Variants in ADAMTS20 observed in about 807,000 individuals in gnomAD.
ADAMTS20 encodes ADAM metallopeptidase with thrombospondin type 1 motif 20.
A neutral mutation model predicts 260.1 loss-of-function variants in ADAMTS20; 225 were observed. That is an observed-to-expected ratio of 0.87 (90% confidence interval 0.78 to 0.97). ADAMTS20 has a LOEUF of 0.97. Among genes scored for constraint, ADAMTS20 ranks in the 50% least tolerant of loss-of-function variants. The pLI is 0.00. For missense variants in ADAMTS20, 2,400 were observed against 2,337.7 expected, an observed-to-expected ratio of 1.03 and a Z score of -0.55; for synonymous variants, 802 against 769.5, an observed-to-expected ratio of 1.04 and a Z score of -0.70.
At chr12:43,463,601 C>G (rs562418074) in intron 10 of ADAMTS20, among the ~76,000 whole-genome samples, 13 of 152,032 alleles carry the variant, frequency 8.6e-5, no homozygotes, top group African/African-American at 3.1e-4. Context: ...AGAAATGTAT[C>G]TTTTACAATG....
chr12:43,471,822 G>A (rs374753615), intron 7 of ADAMTS20, among the ~76,000 whole-genome samples: 38 of 135,274 alleles, frequency 2.8e-4, no homozygotes, highest in African/African-American at 5.0e-4. Flanking sequence ...CATCCACACC[G>A]AAAACCCATC....
chr12:43,395,452 C>G (rs569075393), intron 29 of ADAMTS20, among the ~76,000 whole-genome samples: 1 of 152,158 alleles, frequency 6.6e-6, no homozygotes, highest in Admixed American at 6.5e-5. Context: ...TCTTAAACAT[C>G]TAGCATTTAG....
At chr12:43,500,186 G>A (rs1015462968) in intron 4 of ADAMTS20, among the ~76,000 whole-genome samples, 4 of 151,940 alleles carry the variant, frequency 2.6e-5, no homozygotes, top group South Asian at 4.1e-4. Context: ...GTGCCACCAC[G>A]CCTGGCTAAT....
chr12:43,429,413 T>G (rs1941396492), intron 24 of ADAMTS20, among the ~76,000 whole-genome samples: 1 of 152,178 alleles, frequency 6.6e-6, no homozygotes, highest in Non-Finnish European at 1.5e-5. Flanking sequence ...CTCAGAAAAC[T>G]TCAATTTCTT....
chr12:43,449,531 G>T (rs530437559), intron 14 of ADAMTS20, among the ~76,000 whole-genome samples: 1 of 152,060 alleles, frequency 6.6e-6, no homozygotes, highest in East Asian at 1.9e-4. Flanking sequence ...GTAACTATTG[G>T]ATACTAGGCT....
chr12:43,411,037 A>T (rs987364168), intron 28 of ADAMTS20, among the ~76,000 whole-genome samples: 9 of 152,184 alleles, frequency 5.9e-5, no homozygotes, highest in Non-Finnish European at 1.0e-4. Context: ...AGAGGGAAAA[A>T]CATATCTTAA....
rs779913866 is a variant in ADAMTS20, at chr12:43,446,556, T to C, written c.2197+39A>G. 4 of 1,518,340 alleles carry C rather than the reference T, an allele frequency of 2.6e-6. No individual in the cohort carries two copies. In the Admixed American group the frequency reaches 6.9e-5, roughly 26 times the overall value. 94.1% of individuals were successfully genotyped at this position (1,518,340 alleles called of 1,614,324 possible). A position where few individuals can be genotyped will look rare whatever the true frequency, so the allele number is the denominator to read the frequency against. On this transcript the variant is annotated intron_variant, in intron 15 of 38. Transcript: ENST00000389420. The stretch of plus-strand genomic sequence containing the variant: ...TTCTTTACAGACTCCATTATTATAC[T>C]AAATAAAAGCGAAATCTAGAAACAA...
intron 2 of ADAMTS20, among the ~76,000 whole-genome samples, chr12:43,543,648 A>G (rs1331783342): frequency 6.6e-6 from 1 of 152,188 alleles, no homozygotes; most frequent in Non-Finnish European, 1.5e-5. Flanking sequence ...TTCTCCTTAT[A>G]GACAAGATGA....
chr12:43,540,731 T>C (rs1943365779), intron 2 of ADAMTS20, among the ~76,000 whole-genome samples: 2 of 152,308 alleles, frequency 1.3e-5, no homozygotes, highest in Middle Eastern at 3.4e-3. Context: ...GCAATTTGAT[T>C]CATGATAAAT....
At chr12:43,500,200 T>C (rs1942737930) in intron 4 of ADAMTS20, among the ~76,000 whole-genome samples, 1 of 152,112 alleles carries the variant, frequency 6.6e-6, no homozygotes, top group Non-Finnish European at 1.5e-5. Flanking sequence ...GGCTAATTTT[T>C]GTATTTTTAG....
At chr12:43,440,120 A>G (rs1317053718) in intron 16 of ADAMTS20, 51 bp from the exon 17 acceptor site, 1 of 1,277,836 alleles carries the variant, frequency 7.8e-7, no homozygotes, top group Non-Finnish European at 1.1e-6. Flanking sequence ...AATCAACAAT[A>G]CAGAAAACAC....
intron 11 of ADAMTS20, among the ~76,000 whole-genome samples, chr12:43,460,981 TATA>T (rs1565558400): frequency 5.1e-5 from 3 of 59,054 alleles, no homozygotes; most frequent in African/African-American, 1.2e-4. Context: ...TATATATATA[TATA>T]TATATTTTTT....
chr12:43,454,414 C>T (rs935890705), intron 11 of ADAMTS20, among the ~76,000 whole-genome samples: 4 of 152,052 alleles, frequency 2.6e-5, no homozygotes, highest in African/African-American at 4.8e-5. Context: ...TATCTATACA[C>T]TCTTCCACTC....
At chr12:43,404,216 CACAA>C (rs934385873) in intron 28 of ADAMTS20, among the ~76,000 whole-genome samples, 5 of 144,234 alleles carry the variant, frequency 3.5e-5, no homozygotes, top group African/African-American at 1.3e-4. Flanking sequence ...CACACACACA[CACAA>C]ATAGAAAGCA....
chr12:43,355,584 A>G (rs1939726479), intron 38 of ADAMTS20, among the ~76,000 whole-genome samples: 1 of 152,166 alleles, frequency 6.6e-6, no homozygotes, highest in South Asian at 2.1e-4. Context: ...TAGGAGTATA[A>G]CTAAATTTAC....
At chr12:43,363,148 C>A (rs528660307) in intron 37 of ADAMTS20, among the ~76,000 whole-genome samples, 12 of 152,190 alleles carry the variant, frequency 7.9e-5, no homozygotes, top group Admixed American at 7.9e-4. Context: ...TCTTTTCCTC[C>A]CACCTCAGCA....
In ADAMTS20 at chr12:43,397,664, C is replaced by A. The variant is rs140131697; in HGVS notation, c.4452+1402G>T. Among the ~76,000 whole-genome samples the A allele has an allele frequency of 1.5e-3, 231 of 152,230 alleles. 5 individuals carry two copies. The highest frequency in any genetic ancestry group is 0.015 in the Admixed American group (223 of 15,290). ...AAATAAAACAAGTTAATAGAGAAAT[C>A]TTTTAAATCATGACCTCTGGTAAAG... On this transcript the variant is annotated intron_variant, in intron 29 of 38. Transcript: ENST00000389420.
At chr12:43,361,723 G>A (rs1033470294) in intron 37 of ADAMTS20, among the ~76,000 whole-genome samples, 1 of 152,164 alleles carries the variant, frequency 6.6e-6, no homozygotes. Flanking sequence ...GCTATCTTAT[G>A]ATTTAAAAAC....
chr12:43,392,775 A>T (rs916393462), intron 29 of ADAMTS20, among the ~76,000 whole-genome samples: 1 of 151,956 alleles, frequency 6.6e-6, no homozygotes, highest in African/African-American at 2.4e-5. Context: ...AAACTCCTTT[A>T]GTTCTAGGGG....
Sources: allele counts gnomAD v4.1 joint callset (sites outside exome capture counted in the v4.1 genomes callset), GRCh38; gene constraint gnomAD v4.1.1; transcripts MANE v1.5; gene names NCBI Gene and HGNC (gene_info 2026-07-23, HGNC 2026-07-21).